KIAA1671: variants seen among roughly 807,000 people sequenced by gnomAD.
The protein encoded by KIAA1671 is uncharacterized protein KIAA1671.
KIAA1671 carries 52 observed loss-of-function variants against 131.2 expected under a neutral mutation model. That is an observed-to-expected ratio of 0.40 (90% confidence interval 0.32 to 0.50). The LOEUF is 0.50. Ranked by LOEUF, KIAA1671 falls within the 20% of genes least tolerant of loss-of-function variation. KIAA1671 has a pLI of 0.73. For synonymous variants in KIAA1671, 1,003 were observed against 961.6 expected (o/e 1.04, Z -0.80); for missense variants, 2,360 against 2,364.2 (o/e 1.00, Z 0.04).
Position 25,193,630 on chromosome 22 carries a change from T to C in KIAA1671, c.*1229T>C, listed in dbSNP as rs1390825926. On this transcript the variant is annotated 3_prime_UTR_variant, in exon 13 of 13. Transcript: ENST00000358431. ...CTCAGCTTCCTCCCTCATCTTCCTT[T>C]ACCCCTCTTCTCTGTCTTAGTGGGT... The C allele has an allele frequency of 1.3e-5, 2 of 152,312 alleles. No homozygotes were observed. Among genetic ancestry groups the C allele is most frequent in the African/African-American group, 4.8e-5 (2 of 41,460 alleles). The allele number at this position is 152,312 out of a possible 1,614,324, so 9.4% of individuals were successfully genotyped here.
At chr22:25,189,452 C>T (rs1274188725) in intron 11 of KIAA1671, among the ~76,000 whole-genome samples, 2 of 152,108 alleles carry the variant, frequency 1.3e-5, no homozygotes, top group African/African-American at 2.4e-5. Context: ...GGATTACGGG[C>T]GTGAGCCACC....
intron 1 of KIAA1671, chr22:25,012,476 T>G (rs1412502575): frequency 6.6e-6 from 1 of 152,078 alleles, no homozygotes; most frequent in Non-Finnish European, 1.5e-5. Context: ...TTTTACCATG[T>G]TGGCCAGGCT....
At chr22:25,093,735 ACACTCT>A (rs1930159447) in intron 6 of KIAA1671, among the ~76,000 whole-genome samples, 4 of 27,802 alleles carry the variant, frequency 1.4e-4, no homozygotes, top group South Asian at 1.1e-3. Flanking sequence ...ACACACACAC[ACACTCT>A]CTCTCTCTCT....
chr22:25,093,535 T>C (rs989263974), intron 6 of KIAA1671, among the ~76,000 whole-genome samples: 2 of 152,138 alleles, frequency 1.3e-5, no homozygotes, highest in African/African-American at 4.8e-5. Flanking sequence ...TTCAATTGCT[T>C]GGAGAAGTCC....
rs1933105482 is a variant in KIAA1671 at position 25,153,140 on chromosome 22, C to T, written c.4531-17680C>T. ...TATATCAATAGTATATCTGTACTGC[C>T]ACAGATAAATTGTATATCTGTATAT... is the stretch of plus-strand genomic sequence containing the variant. On this transcript the variant is annotated intron_variant, in intron 6 of 12. Coordinates refer to ENST00000358431, the MANE Select transcript of KIAA1671 (RefSeq NM_001145206.2). Among the ~76,000 whole-genome samples, 3 of 152,240 alleles carry T rather than the reference C, an allele frequency of 2.0e-5. No homozygotes were observed. In the South Asian group the frequency reaches 6.2e-4, roughly 32 times the overall value.
rs1927750072 is a variant in KIAA1671, at chr22:25,054,753, G to A, written c.4530+5389G>A. The A allele has an allele frequency of 2.1e-5, 3 of 145,086 alleles. No individual in the cohort carries two copies. In the South Asian group the frequency reaches 6.9e-4, roughly 34 times the overall value. The allele number at this position is 145,086 out of a possible 1,614,324, so 9.0% of individuals were successfully genotyped here. A position where few individuals can be genotyped will look rare whatever the true frequency, so the allele number is the denominator to read the frequency against. On this transcript the variant is annotated intron_variant, in intron 6 of 12. Coordinates refer to ENST00000358431, the MANE Select transcript of KIAA1671 (RefSeq NM_001145206.2). ...TTGTGTAAAGTCTCCCTGGAGGAGG[G>A]AGGGGGTGTCTCCACTTGGGGAGGG...
intron 6 of KIAA1671, among the ~76,000 whole-genome samples, chr22:25,122,831 C>T (rs1932005713): frequency 6.6e-6 from 1 of 152,072 alleles, no homozygotes; most frequent in African/African-American, 2.4e-5. Flanking sequence ...AAACATTAGC[C>T]AGGCGTGATG....
chr22:24,974,673 T>C (rs1340184598), intron 1 of KIAA1671, among the ~76,000 whole-genome samples: 1 of 149,504 alleles, frequency 6.7e-6, no homozygotes, highest in Non-Finnish European at 1.5e-5. Context: ...TCACTTATCA[T>C]CCAGCTCACC....
intron 1 of KIAA1671, among the ~76,000 whole-genome samples, chr22:24,984,912 CAAAAAA>C (rs60969204): frequency 2.1e-3 from 117 of 54,452 alleles, no homozygotes; most frequent in South Asian, 0.01. Flanking sequence ...GACTACGTCT[CAAAAAA>C]AAAAAAAAAA....
intron 1 of KIAA1671, among the ~76,000 whole-genome samples, chr22:24,971,396 G>C (rs5752029): frequency 0.43 from 65,683 of 152,092 alleles, 16,587 homozygotes; most frequent in East Asian, 0.75. Flanking sequence ...CTTGCCAACC[G>C]AATATCCACA....
intron 6 of KIAA1671, among the ~76,000 whole-genome samples, chr22:25,103,237 G>A (rs528838264): frequency 6.6e-4 from 98 of 148,782 alleles, no homozygotes; most frequent in South Asian, 5.1e-3. Context: ...TGAGAACGGC[G>A]TCTCGCTCTG....
intron 6 of KIAA1671, among the ~76,000 whole-genome samples, chr22:25,101,353 A>G (rs1197251098): frequency 6.6e-6 from 1 of 152,250 alleles, no homozygotes; most frequent in African/African-American, 2.4e-5. Context: ...TGGCTTTGCC[A>G]TGCCAGGCAG....
intron 1 of KIAA1671, among the ~76,000 whole-genome samples, chr22:25,001,381 A>T (rs1288463275): frequency 6.6e-6 from 1 of 152,176 alleles, no homozygotes; most frequent in Non-Finnish European, 1.5e-5. Flanking sequence ...CTTTAAGATC[A>T]ATCTATTCCA....
chr22:25,112,995 T>C (rs7291111), intron 6 of KIAA1671, among the ~76,000 whole-genome samples: 10,976 of 151,690 alleles, frequency 0.072, 1,297 homozygotes, highest in African/African-American at 0.25. Context: ...TTGGTGTGAG[T>C]GGGCCAGGGA....
intron 1 of KIAA1671, among the ~76,000 whole-genome samples, chr22:24,967,441 A>G (rs1396630140): frequency 3.3e-5 from 5 of 152,280 alleles, no homozygotes; most frequent in Middle Eastern, 3.4e-3. Context: ...CTTCTCTCCC[A>G]TCGGAAGTTC....
intron 6 of KIAA1671, among the ~76,000 whole-genome samples, chr22:25,073,511 C>A (rs1440578655): frequency 1.3e-5 from 2 of 152,196 alleles, no homozygotes; most frequent in African/African-American, 4.8e-5. Flanking sequence ...CTCTCATAGT[C>A]ACCTTTTATT....
At chr22:25,176,666 G>A (rs1025348195) in intron 8 of KIAA1671, 3 of 152,200 alleles carry the variant, frequency 2.0e-5, no homozygotes, top group South Asian at 2.1e-4. Flanking sequence ...GCTGTCTCCC[G>A]GGAGAATTCT....
intron 8 of KIAA1671, chr22:25,174,897 G>C (rs541266217): frequency 2.3e-4 from 38 of 161,942 alleles, no homozygotes; most frequent in Non-Finnish European, 4.8e-4. Flanking sequence ...GAATGATTCT[G>C]CTGAACGTTC....
intron 6 of KIAA1671, among the ~76,000 whole-genome samples, chr22:25,133,183 G>A (rs1210586435): frequency 6.6e-6 from 1 of 152,120 alleles, no homozygotes; most frequent in African/African-American, 2.4e-5. Flanking sequence ...CTCCAGACGT[G>A]GTCCTTGGCA....
Sources: allele counts gnomAD v4.1 joint callset (sites outside exome capture counted in the v4.1 genomes callset), GRCh38; gene constraint gnomAD v4.1.1; transcripts MANE v1.5; gene names NCBI Gene and HGNC (gene_info 2026-07-23, HGNC 2026-07-21).